Variants in TNPO3 observed in about 807,000 individuals in gnomAD.
The protein encoded by TNPO3 is transportin-3.
TNPO3 carries 65 observed loss-of-function variants against 122.8 expected under a neutral mutation model. The observed-to-expected ratio is 0.53, with a 90% CI of 0.43 to 0.65. TNPO3 has a LOEUF of 0.65. TNPO3 is among the 30% of genes least tolerant of loss of function. The probability of loss-of-function intolerance (pLI) is 0.00; values close to 1 mark genes in which losing one functional copy is unlikely to be tolerated. For missense variants in TNPO3, 850 were observed against 1,136.7 expected (o/e 0.75, Z 3.63); for synonymous variants, 372 against 411.2 (o/e 0.90, Z 1.15).
At chr7:129,026,717 T>TA (rs1805225183) in intron 1 of TNPO3, among the ~76,000 whole-genome samples, 1 of 152,120 alleles carries the variant, frequency 6.6e-6, no homozygotes, top group Non-Finnish European at 1.5e-5. Context: ...TGAATATTTT[T>TA]AAAGTGTCTT....
intron 1 of TNPO3, among the ~76,000 whole-genome samples, chr7:129,045,673 A>G (rs1056649961): frequency 1.3e-5 from 2 of 152,200 alleles, no homozygotes; most frequent in Non-Finnish European, 2.9e-5. Flanking sequence ...TAATTAGAAA[A>G]TATAGTAGTA....
intron 1 of TNPO3, chr7:129,029,684 A>G (rs1195981088): frequency 6.6e-6 from 1 of 152,240 alleles, no homozygotes; most frequent in Non-Finnish European, 1.5e-5. Flanking sequence ...AGCCAGGCAG[A>G]TATTTCATGT....
At chr7:129,052,122 T>C (rs1452492533) in intron 1 of TNPO3, among the ~76,000 whole-genome samples, 1 of 152,232 alleles carries the variant, frequency 6.6e-6, no homozygotes, top group African/African-American at 2.4e-5. Flanking sequence ...AGATCCACTT[T>C]TCCACCCTCC....
intron 1 of TNPO3, among the ~76,000 whole-genome samples, chr7:129,037,355 A>G (rs1349804285): frequency 6.6e-6 from 1 of 152,252 alleles, no homozygotes; most frequent in African/African-American, 2.4e-5. Flanking sequence ...ACAGACCTCT[A>G]ACAAGGAAAA....
intron 1 of TNPO3, among the ~76,000 whole-genome samples, chr7:129,044,529 T>C (rs1807791162): frequency 6.6e-6 from 1 of 152,236 alleles, no homozygotes; most frequent in African/African-American, 2.4e-5. Flanking sequence ...AAAATTAAAT[T>C]AGTACTTTTA....
At chr7:129,036,259 A>T (rs1806665026) in intron 1 of TNPO3, among the ~76,000 whole-genome samples, 1 of 151,844 alleles carries the variant, frequency 6.6e-6, no homozygotes, top group African/African-American at 2.4e-5. Context: ...AGCTGTGTGT[A>T]TATGTTTTAA....
chr7:129,025,902 G>C (rs1300441649), intron 1 of TNPO3, among the ~76,000 whole-genome samples: 1 of 152,092 alleles, frequency 6.6e-6, no homozygotes, highest in African/African-American at 2.4e-5. Flanking sequence ...AAGACTGGTG[G>C]GTCACCTGAG....
At chr7:129,029,810 CAGG>C (rs1413527250) in intron 1 of TNPO3, 2 of 152,082 alleles carry the variant, frequency 1.3e-5, no homozygotes. Context: ...TTCATGAGGT[CAGG>C]AGATCAAGAC....
At chr7:128,963,340 G>T (rs923027784) in intron 21 of TNPO3, among the ~76,000 whole-genome samples, 5 of 152,128 alleles carry the variant, frequency 3.3e-5, no homozygotes, top group African/African-American at 1.2e-4. Flanking sequence ...GAGCCAATAC[G>T]ATCCTGCCCT....
rs748306109 is a variant in TNPO3 at position 129,017,917 on chromosome 7, T to C, written c.321+40A>G. Reference sequence around the variant, plus strand: ...TTAAAACAATCCTGATAAATCCAAATGGCCATACAAATTTCTCTAATGAGA... The same window carrying C: ...TTAAAACAATCCTGATAAATCCAAACGGCCATACAAATTTCTCTAATGAGA... On this transcript the variant is annotated intron_variant, in intron 2 of 22. Transcript: ENST00000265388. 3 of 1,586,640 alleles carry C rather than the reference T, an allele frequency of 1.9e-6. No homozygotes were observed. The South Asian group carries it at 3.3e-5, about 18-fold the overall frequency.
chr7:128,980,138 A>G (rs917338507), intron 14 of TNPO3, 107 bp from the exon 15 acceptor site: 8 of 939,638 alleles, frequency 8.5e-6, no homozygotes, highest in Non-Finnish European at 1.4e-5. Context: ...CCAAATAAAG[A>G]AAACCAGATG....
At chr7:129,028,994 G>A (rs1300012278) in intron 1 of TNPO3, 2 of 430,186 alleles carry the variant, frequency 4.6e-6, no homozygotes, top group Admixed American at 2.7e-5. Flanking sequence ...ATTTTCTTCT[G>A]ATGATGATTA....
intron 8 of TNPO3, among the ~76,000 whole-genome samples, chr7:128,997,163 T>C (rs1206688779): frequency 6.6e-6 from 1 of 152,218 alleles, no homozygotes; most frequent in African/African-American, 2.4e-5. Context: ...CAGCTAATTT[T>C]CTTTTATTTC....
At chr7:128,968,542 C>G (rs1175350382) in intron 20 of TNPO3, among the ~76,000 whole-genome samples, 2 of 152,042 alleles carry the variant, frequency 1.3e-5, no homozygotes, top group Non-Finnish European at 2.9e-5. Flanking sequence ...TAAAATTACT[C>G]TTTTATACCT....
intron 1 of TNPO3, among the ~76,000 whole-genome samples, chr7:129,044,710 T>C (rs1394031644): frequency 6.6e-6 from 1 of 152,226 alleles, no homozygotes; most frequent in Non-Finnish European, 1.5e-5. Context: ...GGACAGGTAG[T>C]CTGAGTAATA....
chr7:129,026,942 A>G lies in TNPO3; in HGVS notation c.121-8785T>C, dbSNP rs1044543333. On this transcript the variant is annotated intron_variant, in intron 1 of 22. Transcript: ENST00000265388. ...TGCATAGCTGGGACTACAGGCATACATCACGGCACCCAGCTAATTTTTTTT... is the reference window on the plus strand; with the variant it reads ...TGCATAGCTGGGACTACAGGCATACGTCACGGCACCCAGCTAATTTTTTTT... Among the ~76,000 whole-genome samples the G allele has an allele frequency of 9.9e-5, 15 of 151,926 alleles. 1 individual carries two copies. The East Asian group carries it at 2.5e-3, about 26-fold the overall frequency.
intron 16 of TNPO3, among the ~76,000 whole-genome samples, chr7:128,976,164 T>C (rs539155510): frequency 2.0e-5 from 3 of 152,238 alleles, no homozygotes; most frequent in African/African-American, 7.2e-5. Flanking sequence ...AAGACAATGC[T>C]GTATAAGAGT....
At chr7:129,040,453 T>C (rs1807238977) in intron 1 of TNPO3, among the ~76,000 whole-genome samples, 1 of 152,146 alleles carries the variant, frequency 6.6e-6, no homozygotes, top group Non-Finnish European at 1.5e-5. Context: ...GGGAATGATT[T>C]ACTGGGAAGA....
intron 1 of TNPO3, among the ~76,000 whole-genome samples, chr7:129,027,592 CAA>C (rs1563107483): frequency 3.1e-4 from 19 of 61,702 alleles, no homozygotes; most frequent in Admixed American, 1.3e-3. Flanking sequence ...AAAAAAAAAA[CAA>C]CACAAAAAAT....
Sources: allele counts gnomAD v4.1 joint callset (sites outside exome capture counted in the v4.1 genomes callset), GRCh38; gene constraint gnomAD v4.1.1; transcripts MANE v1.5; gene names NCBI Gene and HGNC (gene_info 2026-07-23, HGNC 2026-07-21).